ROBO2: variants seen among roughly 807,000 people sequenced by gnomAD.
ROBO2 encodes roundabout homolog 2.
ROBO2 carries 53 observed loss-of-function variants against 160.8 expected under a neutral mutation model. The observed-to-expected ratio is 0.33, with a 90% CI of 0.26 to 0.41. ROBO2 has a LOEUF of 0.41. Among genes scored for constraint, ROBO2 ranks in the 10% least tolerant of loss-of-function variants. The probability of loss-of-function intolerance (pLI) is 1.00; values close to 1 mark genes in which losing one functional copy is unlikely to be tolerated. For missense variants in ROBO2, 1,577 were observed against 1,722.4 expected (o/e 0.92, Z 1.49); for synonymous variants, 664 against 611.7 (o/e 1.09, Z -1.26).
chr3:76,348,245 A>G (rs2108258656), intron 2 of ROBO2, among the ~76,000 whole-genome samples: 1 of 152,274 alleles, frequency 6.6e-6, no homozygotes, highest in African/African-American at 2.4e-5. Flanking sequence ...TCTGGGGAAG[A>G]ACAAAGATTG....
chr3:77,306,929 T>C (rs1361607434), intron 2 of ROBO2, among the ~76,000 whole-genome samples: 1 of 152,236 alleles, frequency 6.6e-6, no homozygotes, highest in East Asian at 1.9e-4. Flanking sequence ...AAAGGCACTC[T>C]CTTTGCATCT....
intron 2 of ROBO2, among the ~76,000 whole-genome samples, chr3:76,873,803 A>G (rs540854755): frequency 1.6e-4 from 24 of 152,328 alleles, no homozygotes; most frequent in Middle Eastern, 3.4e-3. Flanking sequence ...ACAGAAGAGC[A>G]GCTGATGCTT....
intron 2 of ROBO2, among the ~76,000 whole-genome samples, chr3:76,064,406 C>A (rs1402915875): frequency 6.6e-6 from 1 of 152,102 alleles, no homozygotes; most frequent in Non-Finnish European, 1.5e-5. Flanking sequence ...TTCGAGGAGT[C>A]AGCAGTGAAC....
intron 2 of ROBO2, among the ~76,000 whole-genome samples, chr3:76,708,737 A>G (rs2093224568): frequency 6.6e-6 from 1 of 152,240 alleles, no homozygotes; most frequent in Non-Finnish European, 1.5e-5. Flanking sequence ...TTCACGTTTT[A>G]GAACCATTGC....
At chr3:76,803,423 TACAAA>T (rs1328393212) in intron 2 of ROBO2, among the ~76,000 whole-genome samples, 27 of 52,194 alleles carry the variant, frequency 5.2e-4, no homozygotes, top group Middle Eastern at 0.014. Flanking sequence ...AGGAGGAGGA[TACAAA>T]AGAGGAGGAA....
At chr3:77,381,903 G>A (rs957579568) in intron 2 of ROBO2, among the ~76,000 whole-genome samples, 1 of 152,074 alleles carries the variant, frequency 6.6e-6, no homozygotes, top group African/African-American at 2.4e-5. Flanking sequence ...GGGGTGAGGG[G>A]CTATGTGAAA....
chr3:76,290,354 T>C (rs775726401), intron 2 of ROBO2, among the ~76,000 whole-genome samples: 22 of 152,284 alleles, frequency 1.4e-4, no homozygotes, highest in Middle Eastern at 3.4e-3. Context: ...TGGATGCTTT[T>C]TGTACATTGA....
At chr3:76,697,221 C>T (rs1024880440) in intron 2 of ROBO2, among the ~76,000 whole-genome samples, 3 of 152,094 alleles carry the variant, frequency 2.0e-5, no homozygotes, top group Non-Finnish European at 2.9e-5. Flanking sequence ...TTACTTTCAT[C>T]GAAATATGTG....
intron 1 of ROBO2, among the ~76,000 whole-genome samples, chr3:75,934,421 T>A (rs1379507609): frequency 1.3e-5 from 2 of 152,248 alleles, no homozygotes; most frequent in African/African-American, 4.8e-5. Flanking sequence ...GGCATGTCTT[T>A]ATGGTTAATG....
intron 2 of ROBO2, among the ~76,000 whole-genome samples, chr3:76,567,520 T>C (rs2084602913): frequency 6.7e-6 from 1 of 149,096 alleles, no homozygotes; most frequent in Non-Finnish European, 1.5e-5. Context: ...CATTTAGAGC[T>C]GACACTGAAA....
At chr3:76,241,764 G>C (rs1280207482) in intron 2 of ROBO2, among the ~76,000 whole-genome samples, 1 of 152,132 alleles carries the variant, frequency 6.6e-6, no homozygotes, top group East Asian at 1.9e-4. Context: ...ACTTATAATA[G>C]TAAAAAATGA....
At chr3:76,423,157 A>G (rs1163551151) in intron 2 of ROBO2, among the ~76,000 whole-genome samples, 2 of 152,140 alleles carry the variant, frequency 1.3e-5, no homozygotes, top group Non-Finnish European at 2.9e-5. Context: ...TTTCTCAGTA[A>G]AAGCTTAAGG....
At chr3:76,695,676 T>G (rs2092912317) in intron 2 of ROBO2, among the ~76,000 whole-genome samples, 1 of 152,158 alleles carries the variant, frequency 6.6e-6, no homozygotes, top group Non-Finnish European at 1.5e-5. Flanking sequence ...TCCAAAAACT[T>G]TAGATGTTTT....
At chr3:76,341,015 G>A (rs1390458794) in intron 2 of ROBO2, among the ~76,000 whole-genome samples, 1 of 152,030 alleles carries the variant, frequency 6.6e-6, no homozygotes, top group Admixed American at 6.6e-5. Flanking sequence ...TCTCCTTAAA[G>A]ATCATTACCT....
intron 2 of ROBO2, among the ~76,000 whole-genome samples, chr3:76,985,375 G>A (rs1282646377): frequency 6.6e-6 from 1 of 151,746 alleles, no homozygotes; most frequent in Non-Finnish European, 1.5e-5. Context: ...GAGGTCAGGA[G>A]ATCGAGACCA....
At chr3:75,907,866 TGTGTGTGTGTG>T (rs1198738717) in intron 1 of ROBO2, among the ~76,000 whole-genome samples, 1 of 150,342 alleles carries the variant, frequency 6.7e-6, no homozygotes, top group Non-Finnish European at 1.5e-5. Context: ...TGTGTGTGTG[TGTGTGTGTGTG>T]TGTGTATCAG....
rs541871341 is a variant in ROBO2, at chr3:77,455,508, C to T, written c.389-21906C>T. Among the ~76,000 whole-genome samples, 13 of 152,198 alleles carry T rather than the reference C, an allele frequency of 8.5e-5. No homozygotes were observed. The South Asian group carries it at 1.9e-3, about 22-fold the overall frequency. On this transcript the variant is annotated intron_variant, in intron 2 of 25. Transcript: ENST00000461745. ...ATGCAGTGGCACAGTCTCAGCTCAC[C>T]GCAACATCCAACTCCCTGGTTCAAG...
intron 2 of ROBO2, among the ~76,000 whole-genome samples, chr3:76,180,902 C>G (rs542137449): frequency 9.9e-4 from 151 of 152,222 alleles, no homozygotes; most frequent in Non-Finnish European, 1.7e-3. Context: ...TCAGCCACCC[C>G]ACCTTCCCAC....
intron 9 of ROBO2, among the ~76,000 whole-genome samples, chr3:77,560,692 A>G (rs1026737386): frequency 2.0e-5 from 3 of 152,142 alleles, no homozygotes; most frequent in Non-Finnish European, 4.4e-5. Flanking sequence ...TGAGAAGTAG[A>G]ATATTCCAGC....
Sources: allele counts gnomAD v4.1 joint callset (sites outside exome capture counted in the v4.1 genomes callset), GRCh38; gene constraint gnomAD v4.1.1; transcripts MANE v1.5; gene names NCBI Gene and HGNC (gene_info 2026-07-23, HGNC 2026-07-21).